The following TFEC variants were observed in gnomAD, a reference collection of about 807,000 sequenced individuals.
The protein encoded by TFEC is class E basic helix-loop-helix protein 34.
Under a neutral mutation model 41.6 loss-of-function variants are expected in TFEC, and 31 were observed. The ratio of observed to expected loss-of-function variants is 0.74; its 90% CI spans 0.56 to 1.01. The LOEUF is 1.01. TFEC is among the 50% of genes least tolerant of loss of function. The probability of loss-of-function intolerance (pLI) is 0.00; values close to 1 mark genes in which losing one functional copy is unlikely to be tolerated. For synonymous variants in TFEC, 143 were observed against 140.6 expected (o/e 1.02, Z -0.12); for missense variants, 402 against 404.1 (o/e 0.99, Z 0.04).
chr7:116,078,432 A>G (rs1004300605), intron 3 of TFEC, among the ~76,000 whole-genome samples: 1 of 152,108 alleles, frequency 6.6e-6, no homozygotes, highest in African/African-American at 2.4e-5. Context: ...TTGATAGACC[A>G]TTAATGAGAT....
At chr7:116,006,332 C>T (rs1794788315) in intron 1 of TFEC, among the ~76,000 whole-genome samples, 2 of 152,190 alleles carry the variant, frequency 1.3e-5, no homozygotes, top group African/African-American at 4.8e-5. Flanking sequence ...CTACATTCTG[C>T]AAAGCAACAG....
chr7:116,046,045 C>G (rs1199083208), intron 3 of TFEC, among the ~76,000 whole-genome samples: 1 of 152,188 alleles, frequency 6.6e-6, no homozygotes, highest in Non-Finnish European at 1.5e-5. Context: ...CCTGTACCTC[C>G]ATTGTATCTA....
chr7:116,039,393 G>A (rs1795980711), intron 3 of TFEC, among the ~76,000 whole-genome samples: 1 of 150,374 alleles, frequency 6.7e-6, no homozygotes, highest in Admixed American at 6.6e-5. Context: ...CCATGATTTG[G>A]GGATAAAAAC....
intron 3 of TFEC, among the ~76,000 whole-genome samples, chr7:115,964,329 T>C (rs917242684): frequency 2.6e-5 from 4 of 151,558 alleles, no homozygotes; most frequent in East Asian, 1.9e-4. Context: ...TCAAGAAATA[T>C]ATCATGCCAT....
chr7:115,968,473 T>C (rs1443619462), intron 3 of TFEC, among the ~76,000 whole-genome samples: 1 of 151,878 alleles, frequency 6.6e-6, no homozygotes, highest in Non-Finnish European at 1.5e-5. Context: ...TCTTGAACTA[T>C]AACAGTTTAC....
chr7:115,955,920 G>A (rs927912727), intron 4 of TFEC, among the ~76,000 whole-genome samples: 3 of 151,814 alleles, frequency 2.0e-5, no homozygotes, highest in African/African-American at 7.3e-5. Context: ...AAATTTTACC[G>A]TGGTGTTTGA....
chr7:116,051,433 G>T (rs533255751), intron 3 of TFEC, among the ~76,000 whole-genome samples: 14 of 152,234 alleles, frequency 9.2e-5, no homozygotes, highest in African/African-American at 3.4e-4. Flanking sequence ...CAGGAAGTCT[G>T]GCTGAAGTCG....
intron 3 of TFEC, among the ~76,000 whole-genome samples, chr7:116,057,203 A>G (rs757841598): frequency 2.6e-5 from 4 of 152,060 alleles, no homozygotes; most frequent in Non-Finnish European, 4.4e-5. Flanking sequence ...AATGTATATC[A>G]TTACAGTTCC....
At chr7:115,966,714 T>G (rs1792869447) in intron 3 of TFEC, among the ~76,000 whole-genome samples, 1 of 151,782 alleles carries the variant, frequency 6.6e-6, no homozygotes, top group South Asian at 2.1e-4. Flanking sequence ...TAGTCTTAAG[T>G]GTTTTGAGTG....
intron 1 of TFEC, among the ~76,000 whole-genome samples, chr7:116,126,843 C>T (rs562056388): frequency 2.0e-5 from 3 of 152,156 alleles, no homozygotes; most frequent in Admixed American, 2.0e-4. Context: ...ACCTAAAGAA[C>T]CACTGTCCCC....
intron 1 of TFEC, among the ~76,000 whole-genome samples, chr7:116,007,021 C>A (rs541246587): frequency 1.2e-4 from 18 of 152,310 alleles, no homozygotes; most frequent in Middle Eastern, 3.4e-3. Context: ...GTCGATTAAA[C>A]CTCTTTCTTT....
rs1793294284 is a variant in TFEC, at chr7:115,937,636, T to A, written c.*2915A>T. The A allele has an allele frequency of 6.6e-6, 1 of 151,734 alleles. No individual in the cohort carries two copies. Among genetic ancestry groups the A allele is most frequent in the South Asian group, 2.1e-4 (1 of 4,826 alleles). 9.4% of individuals were successfully genotyped at this position (151,734 alleles called of 1,614,324 possible). The stretch of plus-strand genomic sequence containing the variant: ...ACGACTACTTCATAAATGAACAACT[T>A]TTTTAGTGAATAATCTAAAGTTTGG... On this transcript the variant is annotated 3_prime_UTR_variant, in exon 8 of 8. Coordinates refer to ENST00000265440, the MANE Select transcript of TFEC (RefSeq NM_012252.4).
At chr7:115,984,206 A>C (rs1164996304) in intron 2 of TFEC, 56 bp downstream of exon 2, 5 of 1,585,510 alleles carry the variant, frequency 3.2e-6, no homozygotes. Flanking sequence ...AATTACTTTA[A>C]TAGAGGTTTT....
At chr7:116,149,095 T>C (rs915544802) in intron 1 of TFEC, among the ~76,000 whole-genome samples, 2 of 152,054 alleles carry the variant, frequency 1.3e-5, no homozygotes, top group Non-Finnish European at 2.9e-5. Context: ...AGAAATAGAA[T>C]AGCAGAATTG....
chr7:116,156,025 G>GT lies in TFEC; in HGVS notation c.-69+3764dup, dbSNP rs1798865192. 2.0e-5 allele frequency among the ~76,000 whole-genome samples: 3 copies of GT among 151,970 alleles called. No individual in the cohort carries two copies. The South Asian group carries it at 6.2e-4, about 31-fold the overall frequency. ...CTTGATTTCTGAGTTTTTTGTTTTT[G>GT]TTTTTTGTATTCCTTTAAATTTCAT... On this transcript the variant is annotated intron_variant, in intron 1 of 8. Coordinates refer to the TFEC transcript ENST00000484212.
intron 1 of TFEC, among the ~76,000 whole-genome samples, chr7:116,155,753 TTCTA>T (rs1453502819): frequency 1.3e-5 from 2 of 152,170 alleles, no homozygotes; most frequent in African/African-American, 2.4e-5. Context: ...GAATGACTGC[TTCTA>T]TCTTTCTTTT....
intron 3 of TFEC, among the ~76,000 whole-genome samples, chr7:116,080,976 A>AGTGTGTGTGTGTGTGT (rs60317630): frequency 2.9e-5 from 4 of 138,016 alleles, no homozygotes; most frequent in African/African-American, 1.1e-4. Context: ...AAGAAAATGT[A>AGTGTGTGTGTGTGTGT]GTGTGTGTGT....
intron 1 of TFEC, among the ~76,000 whole-genome samples, chr7:116,014,364 T>C (rs1795112474): frequency 1.3e-5 from 2 of 152,068 alleles, no homozygotes; most frequent in African/African-American, 2.4e-5. Context: ...TTTTGAGAGA[T>C]ACAGAGAAAA....
intron 3 of TFEC, among the ~76,000 whole-genome samples, chr7:116,081,237 G>A (rs1468051875): frequency 1.3e-5 from 2 of 151,658 alleles, no homozygotes; most frequent in African/African-American, 4.8e-5. Context: ...GAGGGGGTGA[G>A]GGATAAAAGA....
Sources: allele counts gnomAD v4.1 joint callset (sites outside exome capture counted in the v4.1 genomes callset), GRCh38; gene constraint gnomAD v4.1.1; transcripts MANE v1.5; gene names NCBI Gene and HGNC (gene_info 2026-07-23, HGNC 2026-07-21).